The following ANKFN1 variants were observed in gnomAD, a reference collection of about 807,000 sequenced individuals.
ANKFN1 encodes ankyrin repeat and fibronectin type-III domain-containing protein 1.
Under a neutral mutation model 108.7 loss-of-function variants are expected in ANKFN1, and 74 were observed. That is an observed-to-expected ratio of 0.68 (90% CI 0.56 to 0.83). ANKFN1 has a LOEUF of 0.83. Ranked by LOEUF, ANKFN1 falls within the 40% of genes least tolerant of loss-of-function variation. The pLI is 0.00. For missense variants in ANKFN1, 1,505 were observed against 1,382.3 expected, an observed-to-expected ratio of 1.09 and a Z score of -1.41; for synonymous variants, 547 against 516.2, an observed-to-expected ratio of 1.06 and a Z score of -0.81.
At chr17:56,295,733 G>T (rs934772881) in intron 3 of ANKFN1, among the ~76,000 whole-genome samples, 26 of 152,228 alleles carry the variant, frequency 1.7e-4, no homozygotes, top group African/African-American at 5.5e-4. Flanking sequence ...TAGAGGCTGG[G>T]AAGTACAAGA....
chr17:56,189,484 G>A (rs1031612147), intron 1 of ANKFN1, among the ~76,000 whole-genome samples: 1 of 152,128 alleles, frequency 6.6e-6, no homozygotes, highest in African/African-American at 2.4e-5. Flanking sequence ...CTGACTTTTT[G>A]TGAGCCATTA....
intron 4 of ANKFN1, among the ~76,000 whole-genome samples, chr17:56,099,446 T>C (rs1355727659): frequency 1.3e-5 from 2 of 152,212 alleles, no homozygotes; most frequent in Non-Finnish European, 2.9e-5. Context: ...TCATCATGCT[T>C]CCACCATTCT....
intron 8 of ANKFN1, among the ~76,000 whole-genome samples, chr17:56,425,424 A>G (rs1026795550): frequency 3.9e-5 from 6 of 152,246 alleles, no homozygotes; most frequent in African/African-American, 1.4e-4. Flanking sequence ...CCTACAAAAT[A>G]TAAGAGAAAT....
At chr17:56,052,665 C>T (rs927565836) in intron 4 of ANKFN1, among the ~76,000 whole-genome samples, 2 of 152,134 alleles carry the variant, frequency 1.3e-5, no homozygotes, top group Admixed American at 6.6e-5. Flanking sequence ...ACAGCTTCCA[C>T]TTAGGGCTTG....
At chr17:56,435,211 C>A (rs2048893962) in intron 8 of ANKFN1, among the ~76,000 whole-genome samples, 1 of 152,152 alleles carries the variant, frequency 6.6e-6, no homozygotes. Flanking sequence ...AGACTTCAAG[C>A]ATTCCAAAGT....
At chr17:56,412,202 G>A (rs1392425084) in intron 8 of ANKFN1, among the ~76,000 whole-genome samples, 1 of 152,138 alleles carries the variant, frequency 6.6e-6, no homozygotes, top group Non-Finnish European at 1.5e-5. Context: ...TCCTGATTCA[G>A]TCTTGGTATG....
intron 3 of ANKFN1, among the ~76,000 whole-genome samples, chr17:56,252,066 G>A (rs545051141): frequency 3.3e-5 from 5 of 152,328 alleles, no homozygotes; most frequent in Non-Finnish European, 4.4e-5. Flanking sequence ...GCTTAACCAC[G>A]GAATAATGGA....
intron 8 of ANKFN1, among the ~76,000 whole-genome samples, chr17:56,385,900 G>A (rs1259694749): frequency 6.6e-6 from 1 of 152,134 alleles, no homozygotes; most frequent in Admixed American, 6.5e-5. Flanking sequence ...AACCATTGTG[G>A]AAGTCAGTGT....
intron 3 of ANKFN1, among the ~76,000 whole-genome samples, chr17:56,238,131 G>T (rs1295103233): frequency 6.6e-6 from 1 of 152,074 alleles, no homozygotes; most frequent in East Asian, 1.9e-4. Flanking sequence ...CTGTGCTGTG[G>T]TCCAAGAGTA....
intron 1 of ANKFN1, among the ~76,000 whole-genome samples, chr17:56,190,768 T>C (rs1227136892): frequency 6.8e-6 from 1 of 146,466 alleles, no homozygotes; most frequent in Non-Finnish European, 1.5e-5. Context: ...TGGGTATCTT[T>C]GTTGACTTTC....
rs185118193 is a variant in ANKFN1 at position 56,496,635 on chromosome 17, A to G, written c.2428-2247A>G. On this transcript the variant is annotated intron_variant, in intron 19 of 20. Coordinates refer to ENST00000682825, the MANE Select transcript of ANKFN1 (RefSeq NM_001370326.1). ...ACAAATCTCCCTCTGCCTCACTCTTATAAGAATGTCCTTATGAGGACATCT... is the reference window on the plus strand; with the variant it reads ...ACAAATCTCCCTCTGCCTCACTCTTGTAAGAATGTCCTTATGAGGACATCT... 3.5e-4 allele frequency among the ~76,000 whole-genome samples: 53 copies of G among 152,224 alleles called. No individual in the cohort carries two copies. In the East Asian group the frequency reaches 8.1e-3, roughly 23 times the overall value.
intron 4 of ANKFN1, among the ~76,000 whole-genome samples, chr17:56,343,095 GT>G (rs2046002433): frequency 6.6e-6 from 1 of 151,822 alleles, no homozygotes; most frequent in Admixed American, 6.6e-5. Context: ...TTTAAAGTCT[GT>G]TTTGCCAGAT....
At chr17:56,487,121 T>A (rs2050880535) in intron 18 of ANKFN1, among the ~76,000 whole-genome samples, 1 of 152,142 alleles carries the variant, frequency 6.6e-6, no homozygotes. Context: ...AGATAAATTG[T>A]CCTATTGGAG....
intron 4 of ANKFN1, among the ~76,000 whole-genome samples, chr17:56,127,733 C>CA (rs1444801863): frequency 6.6e-6 from 1 of 152,218 alleles, no homozygotes; most frequent in African/African-American, 2.4e-5. Context: ...AAGCCAGTGC[C>CA]AAAAAGCTCT....
chr17:56,106,180 G>C (rs979413770), intron 4 of ANKFN1, among the ~76,000 whole-genome samples: 1 of 152,094 alleles, frequency 6.6e-6, no homozygotes, highest in African/African-American at 2.4e-5. Context: ...GATGACTTCT[G>C]TCACCTTGCC....
At chr17:56,189,031 G>T (rs1045613245) in intron 1 of ANKFN1, among the ~76,000 whole-genome samples, 4 of 151,862 alleles carry the variant, frequency 2.6e-5, no homozygotes, top group African/African-American at 9.7e-5. Flanking sequence ...GTACTGGGAG[G>T]GTGGTGCATC....
chr17:56,326,806 G>A (rs1598410029), intron 4 of ANKFN1, among the ~76,000 whole-genome samples: 1 of 152,274 alleles, frequency 6.6e-6, no homozygotes, highest in East Asian at 1.9e-4. Context: ...ATATATTACT[G>A]TCTTTAATCC....
intron 8 of ANKFN1, among the ~76,000 whole-genome samples, chr17:56,396,944 A>G (rs978356553): frequency 2.6e-5 from 4 of 152,164 alleles, no homozygotes; most frequent in African/African-American, 9.7e-5. Flanking sequence ...TCTAGTTTCA[A>G]ATCATATAGT....
intron 20 of ANKFN1, among the ~76,000 whole-genome samples, chr17:56,507,943 T>A (rs993609265): frequency 1.3e-5 from 2 of 152,204 alleles, no homozygotes; most frequent in Non-Finnish European, 2.9e-5. Flanking sequence ...TACCCAAAAT[T>A]AATCTTATGT....
Sources: gnomAD v4.1 joint callset for allele counts (sites outside exome capture counted in the v4.1 genomes callset) on GRCh38, gnomAD v4.1.1 for gene constraint, MANE v1.5 for transcripts, NCBI Gene and HGNC (gene_info 2026-07-23, HGNC 2026-07-21) for gene names.